The following RABGEF1 variants were observed in gnomAD, a reference collection of about 807,000 sequenced individuals.
The protein encoded by RABGEF1 is RAB guanine nucleotide exchange factor 1, also known as rab5 GDP/GTP exchange factor.
A neutral mutation model predicts 57.3 loss-of-function variants in RABGEF1; 26 were observed. The observed-to-expected ratio is 0.45, with a 90% CI of 0.33 to 0.63. The LOEUF (loss-of-function observed/expected upper bound fraction) is 0.63, where lower values mean the gene tolerates loss of function less well. Ranked by LOEUF, RABGEF1 falls within the 20% of genes least tolerant of loss-of-function variation. The probability of loss-of-function intolerance (pLI) is 0.02; values close to 1 mark genes in which losing one functional copy is unlikely to be tolerated. For synonymous variants in RABGEF1, 185 were observed against 210.7 expected (o/e 0.88, Z 1.06); for missense variants, 464 against 607.6 (o/e 0.76, Z 2.48).
intron 2 of RABGEF1, among the ~76,000 whole-genome samples, chr7:66,773,460 C>T (rs1199209063): frequency 6.6e-6 from 1 of 152,168 alleles, no homozygotes; most frequent in Non-Finnish European, 1.5e-5. Flanking sequence ...TTTCTTACTG[C>T]TTTTAATTGT....
At chr7:66,692,063 AAAC>A (rs1791596791) in intron 1 of RABGEF1, among the ~76,000 whole-genome samples, 1 of 93,922 alleles carries the variant, frequency 1.1e-5, no homozygotes, top group African/African-American at 3.1e-5. Context: ...TTTTCTTAAA[AAAC>A]AAACAAACAA....
chr7:66,737,486 C>T (rs530629120), upstream of RABGEF1, among the ~76,000 whole-genome samples: 15 of 152,010 alleles, frequency 9.9e-5, no homozygotes, highest in South Asian at 2.7e-3. Context: ...CCTTTAGATC[C>T]GGATTTCGGG....
In RABGEF1 at chr7:66,805,248, C is replaced by G; in HGVS notation, c.929C>G (p.Ala310Gly). Residue 310 changes from alanine (A) to glycine (G), a missense_variant, in exon 8 of 9, where the codon GCG becomes GGG. Coordinates refer to ENST00000284957, the MANE Select transcript of RABGEF1 (RefSeq NM_014504.3). Reference protein sequence around the residue: ...NAIKITKNEPASADDFLPTLI... With the variant: ...NAIKITKNEPGSADDFLPTLI... Reference sequence around the variant, plus strand: ...ATCAAGATCACCAAGAATGAGCCGGCGTCAGCGGATGACTTCCTCCCCACC... The same window carrying G: ...ATCAAGATCACCAAGAATGAGCCGGGGTCAGCGGATGACTTCCTCCCCACC... 6.2e-7 allele frequency: 1 copy of G among 1,614,192 alleles called. No homozygotes were observed. Among genetic ancestry groups the G allele is most frequent in the East Asian group, 2.2e-5 (1 of 44,878 alleles).
the RABGEF1 span, chr7:66,665,024 A>C: frequency 1.3e-5 from 2 of 152,228 alleles, no homozygotes; most frequent in Admixed American, 1.3e-4. Flanking sequence ...CGCCATGTGC[A>C]TCCACTGTAT....
chr7:66,781,936 A>T (rs1173094077), intron 3 of RABGEF1, among the ~76,000 whole-genome samples: 1 of 152,194 alleles, frequency 6.6e-6, no homozygotes, highest in African/African-American at 2.4e-5. Context: ...TTGAGGAGTT[A>T]ATCTGCTGTT....
chr7:66,720,619 TTC>T (rs1480625866), intron 2 of RABGEF1, among the ~76,000 whole-genome samples: 3 of 152,174 alleles, frequency 2.0e-5, no homozygotes, highest in Non-Finnish European at 4.4e-5. Flanking sequence ...TATGAATTGT[TTC>T]TCCCTAAGAT....
chr7:66,693,684 T>G (rs1791878073), intron 1 of RABGEF1, among the ~76,000 whole-genome samples: 1 of 152,112 alleles, frequency 6.6e-6, no homozygotes, highest in Non-Finnish European at 1.5e-5. Flanking sequence ...GGGCTGGGAG[T>G]GCAGCCTGGA....
intron 6 of RABGEF1, among the ~76,000 whole-genome samples, chr7:66,799,065 G>A (rs1370899253): frequency 6.6e-6 from 1 of 152,250 alleles, no homozygotes; most frequent in Non-Finnish European, 1.5e-5. Context: ...GTGCATTTCA[G>A]TCTTGGTAGC....
intron 1 of RABGEF1, among the ~76,000 whole-genome samples, chr7:66,692,231 G>A (rs1791625395): frequency 6.6e-6 from 1 of 152,184 alleles, no homozygotes; most frequent in African/African-American, 2.4e-5. Flanking sequence ...GTTCAACTGG[G>A]CAGTGCTGTT....
intron 2 of RABGEF1, among the ~76,000 whole-genome samples, chr7:66,719,969 T>G (rs1207697854): frequency 1.3e-5 from 2 of 152,058 alleles, no homozygotes; most frequent in African/African-American, 4.8e-5. Flanking sequence ...TTAGAAAGAT[T>G]AGCAAATCAA....
upstream of RABGEF1, among the ~76,000 whole-genome samples, chr7:66,678,730 C>G (rs1789485366): frequency 6.6e-6 from 1 of 152,132 alleles, no homozygotes; most frequent in Non-Finnish European, 1.5e-5. Context: ...TGGTTTCAAA[C>G]TCCTGGCCCC....
At chr7:66,775,200 T>A in intron 2 of RABGEF1, 27 bp from the exon 3 acceptor site, 1 of 1,590,932 alleles carries the variant, frequency 6.3e-7, no homozygotes, top group Non-Finnish European at 8.5e-7. Context: ...AATATCTAGG[T>A]CATTCTAATC....
chr7:66,755,880 C>T (rs1802588618), intron 1 of RABGEF1: 1 of 508,676 alleles, frequency 2.0e-6, no homozygotes, highest in Admixed American at 3.7e-5. Context: ...AGTTGATTAT[C>T]ATTTGGAATT....
At chr7:66,696,948 G>A (rs1176340337) in intron 1 of RABGEF1, among the ~76,000 whole-genome samples, 1 of 152,164 alleles carries the variant, frequency 6.6e-6, no homozygotes, top group Non-Finnish European at 1.5e-5. Flanking sequence ...GGCCATGGGG[G>A]ATGGGGAGCA....
chr7:66,741,773 C>T (rs531947029), intron 1 of RABGEF1, among the ~76,000 whole-genome samples: 1 of 152,128 alleles, frequency 6.6e-6, no homozygotes, highest in East Asian at 1.9e-4. Context: ...CTTAAGTGAT[C>T]CTCCCGCCTC....
intron 2 of RABGEF1, among the ~76,000 whole-genome samples, chr7:66,713,237 G>T (rs555267883): frequency 6.6e-6 from 1 of 151,950 alleles, no homozygotes; most frequent in Non-Finnish European, 1.5e-5. Flanking sequence ...TGCTTCCCGG[G>T]TTCATGCCAT....
rs1789141416 is a variant in RABGEF1 at position 66,809,191 on chromosome 7, G to A, written c.1383G>A (p.Lys461=). ...TTGAGAAATACCCACTGGAAATTAAGCCTCCGAATCAACCGTTAGCAGCTA... is the reference window on the plus strand; with the variant it reads ...TTGAGAAATACCCACTGGAAATTAAACCTCCGAATCAACCGTTAGCAGCTA... ...DIVEKYPLEI[K]PPNQPLAAID... Residue 461 remains lysine (K), a synonymous_variant, in exon 9 of 9, where the codon AAG becomes AAA. Transcript: ENST00000284957. 1.2e-6 allele frequency: 2 copies of A among 1,614,218 alleles called. No homozygotes were observed. Among genetic ancestry groups the A allele is most frequent in the Non-Finnish European group, 1.7e-6 (2 of 1,180,042 alleles).
chr7:66,663,122 T>C, the RABGEF1 span, among the ~76,000 whole-genome samples: 2 of 152,388 alleles, frequency 1.3e-5, no homozygotes, highest in East Asian at 3.8e-4. Context: ...CTTAAGGGCG[T>C]GTTCCTGCTG....
chr7:66,762,729 C>T (rs1439220115), intron 1 of RABGEF1, among the ~76,000 whole-genome samples: 1 of 152,010 alleles, frequency 6.6e-6, no homozygotes, highest in Non-Finnish European at 1.5e-5. Flanking sequence ...CCCCCGTCCC[C>T]CAAAAGAATA....
Sources: allele counts gnomAD v4.1 joint callset (sites outside exome capture counted in the v4.1 genomes callset), GRCh38; gene constraint gnomAD v4.1.1; transcripts MANE v1.5; gene names NCBI Gene and HGNC (gene_info 2026-07-23, HGNC 2026-07-21).